The following AK9 variants were observed in gnomAD, a reference collection of about 807,000 sequenced individuals.
The protein encoded by AK9 is adenylate kinase domain containing 1.
AK9 carries 191 observed loss-of-function variants against 239.6 expected under a neutral mutation model. The ratio of observed to expected loss-of-function variants is 0.80; its 90% confidence interval spans 0.71 to 0.90. AK9 has a LOEUF of 0.90. Among genes scored for constraint, AK9 ranks in the 40% least tolerant of loss-of-function variants. AK9 has a pLI of 0.00. For missense variants in AK9, 1,995 were observed against 2,214.7 expected, an observed-to-expected ratio of 0.90 and a Z score of 1.99; for synonymous variants, 689 against 721.0, an observed-to-expected ratio of 0.96 and a Z score of 0.71.
intron 9 of AK9, among the ~76,000 whole-genome samples, chr6:109,642,674 G>A (rs1174580695): frequency 6.6e-6 from 1 of 152,126 alleles, no homozygotes; most frequent in Non-Finnish European, 1.5e-5. Flanking sequence ...TGCTGTATAT[G>A]CTGGTGAATG....
At chr6:109,568,780 G>T (rs573891281) in intron 21 of AK9, among the ~76,000 whole-genome samples, 1 of 152,066 alleles carries the variant, frequency 6.6e-6, no homozygotes, top group East Asian at 1.9e-4. Context: ...AAATAAAAGG[G>T]GATTCAAACA....
At chr6:109,646,613 T>C (rs1030505067) in intron 8 of AK9, among the ~76,000 whole-genome samples, 8 of 152,196 alleles carry the variant, frequency 5.3e-5, no homozygotes, top group South Asian at 4.1e-4. Flanking sequence ...CTAAGTTTGA[T>C]TGGTGTACCT....
chr6:109,552,050 A>C (rs974209706), intron 24 of AK9, among the ~76,000 whole-genome samples: 1 of 151,932 alleles, frequency 6.6e-6, no homozygotes, highest in Non-Finnish European at 1.5e-5. Flanking sequence ...AAAGGACATG[A>C]TCTCATTCTT....
chr6:109,623,912 C>T (rs1280338550), intron 12 of AK9, among the ~76,000 whole-genome samples: 2 of 147,296 alleles, frequency 1.4e-5, no homozygotes, highest in Admixed American at 1.4e-4. Context: ...CACATTTCTT[C>T]TCCCACATCC....
chr6:109,619,301 CATCT>C (rs1794549188), intron 12 of AK9, 65 bp from the exon 13 acceptor site: 4 of 1,443,886 alleles, frequency 2.8e-6, no homozygotes, highest in Middle Eastern at 1.8e-4. Context: ...ACACATTGTT[CATCT>C]ATCTATGTAT....
intron 17 of AK9, among the ~76,000 whole-genome samples, chr6:109,590,908 A>T (rs1679474391): frequency 6.6e-6 from 1 of 152,178 alleles, no homozygotes; most frequent in African/African-American, 2.4e-5. Context: ...TTCAATTTTT[A>T]AAATTTTTTT....
intron 17 of AK9, among the ~76,000 whole-genome samples, chr6:109,599,914 G>A (rs1791664845): frequency 6.6e-6 from 1 of 152,150 alleles, no homozygotes; most frequent in Non-Finnish European, 1.5e-5. Flanking sequence ...GCGATTTTTT[G>A]CACATTGATT....
intron 1 of AK9, among the ~76,000 whole-genome samples, chr6:109,676,810 CACT>C (rs1216368070): frequency 6.6e-6 from 1 of 152,004 alleles, no homozygotes; most frequent in Non-Finnish European, 1.5e-5. Flanking sequence ...CTCATCACAA[CACT>C]ACTCACAACA....
chr6:109,575,869 T>C (rs910219945), intron 20 of AK9, among the ~76,000 whole-genome samples: 2 of 152,218 alleles, frequency 1.3e-5, no homozygotes, highest in African/African-American at 4.8e-5. Flanking sequence ...TCCAGCTTCA[T>C]TCTTCATTGT....
intron 29 of AK9, among the ~76,000 whole-genome samples, chr6:109,521,136 T>C (rs1362052886): frequency 6.6e-6 from 1 of 152,128 alleles, no homozygotes; most frequent in African/African-American, 2.4e-5. Context: ...AACAGCCACA[T>C]AGTATTTCAT....
intron 12 of AK9, among the ~76,000 whole-genome samples, chr6:109,627,166 C>T (rs1318906821): frequency 8.2e-6 from 1 of 122,416 alleles, no homozygotes; most frequent in Non-Finnish European, 1.6e-5. Context: ...TTTAGCCTAG[C>T]CCTACATGGG....
At chr6:109,644,587 A>G in intron 9 of AK9, 27 bp downstream of exon 9, 1 of 1,567,114 alleles carries the variant, frequency 6.4e-7, no homozygotes, top group Non-Finnish European at 8.7e-7. Flanking sequence ...CATGCTGTGA[A>G]GTATTCCTGC....
intron 17 of AK9, among the ~76,000 whole-genome samples, chr6:109,606,025 A>G (rs7453835): frequency 0.58 from 88,396 of 151,726 alleles, 27,432 homozygotes; most frequent in South Asian, 0.84. Context: ...CCAGTCTAGT[A>G]TCACCAGAGA....
At chr6:109,519,788 A>C (rs1364105973) in intron 29 of AK9, among the ~76,000 whole-genome samples, 2 of 144,600 alleles carry the variant, frequency 1.4e-5, no homozygotes, top group Non-Finnish European at 3.0e-5. Flanking sequence ...AAAAAAAAAA[A>C]ATAGCCATTC....
chr6:109,596,652 G>A (rs1791072101), intron 17 of AK9, among the ~76,000 whole-genome samples: 1 of 152,170 alleles, frequency 6.6e-6, no homozygotes, highest in East Asian at 1.9e-4. Flanking sequence ...GAGTGCCACT[G>A]CAATGAAATC....
chr6:109,497,325 TTC>T (rs1491347414), intron 38 of AK9, 138 bp downstream of exon 38: 1 of 562,954 alleles, frequency 1.8e-6, no homozygotes, highest in Non-Finnish European at 3.0e-6. Context: ...CCAGTGCTTG[TTC>T]ACACACACAC....
At chr6:109,623,544 C>G (rs1795121250) in intron 12 of AK9, among the ~76,000 whole-genome samples, 1 of 152,114 alleles carries the variant, frequency 6.6e-6, no homozygotes, top group Non-Finnish European at 1.5e-5. Context: ...CAGATGACAT[C>G]TTACCTGTAA....
At chr6:109,676,907 C>A (rs529358542) in intron 1 of AK9, among the ~76,000 whole-genome samples, 1 of 152,186 alleles carries the variant, frequency 6.6e-6, no homozygotes, top group East Asian at 1.9e-4. Flanking sequence ...GAATACTATG[C>A]AGCCATGAAA....
intron 1 of AK9, among the ~76,000 whole-genome samples, chr6:109,680,925 G>C (rs1286422969): frequency 1.3e-5 from 2 of 151,442 alleles, no homozygotes; most frequent in Non-Finnish European, 3.0e-5. Context: ...TCAAAACGAG[G>C]CTTCCAAGAG....
Sources: gnomAD v4.1 joint callset for allele counts (sites outside exome capture counted in the v4.1 genomes callset) on GRCh38, gnomAD v4.1.1 for gene constraint, MANE v1.5 for transcripts, NCBI Gene and HGNC (gene_info 2026-07-23, HGNC 2026-07-21) for gene names.